The following TRDN variants were observed in gnomAD, a reference collection of about 807,000 sequenced individuals.
The protein encoded by TRDN is triadin, also known as triadin in skeletal muscle.
TRDN carries 161 observed loss-of-function variants against 149.7 expected under a neutral mutation model. The ratio of observed to expected loss-of-function variants is 1.08; its 90% CI spans 0.95 to 1.23. TRDN has a LOEUF of 1.23. Among genes scored for constraint, TRDN ranks in the 50% most tolerant of loss-of-function variants. The pLI is 0.00. For synonymous variants in TRDN, 294 were observed against 250.5 expected (o/e 1.17, Z -1.64); for missense variants, 896 against 823.5 (o/e 1.09, Z -1.08).
chr6:123,571,026 C>T lies in TRDN; in HGVS notation c.129G>A (p.Thr43=), dbSNP rs373840513. 4.9e-5 allele frequency: 79 copies of T among 1,613,974 alleles called. No homozygotes were observed. Among genetic ancestry groups the T allele is most frequent in the South Asian group, 4.0e-4 (36 of 91,086 alleles). Residue 43 remains threonine, a synonymous_variant, in exon 2 of 41, where the codon ACG becomes ACA. Coordinates refer to ENST00000334268, the MANE Select transcript of TRDN (RefSeq NM_006073.4). ...GAAGCCAGGCTGCAGGGGAGCTGAA[C>T]GTCGTCACTATGTCTTCTGTGACTG... ...KRTVTEDIVT[T]FSSPAAWLLV...
chr6:123,505,104 CG>C, intron 7 of TRDN, among the ~76,000 whole-genome samples: 1 of 151,542 alleles, frequency 6.6e-6, no homozygotes, highest in Middle Eastern at 3.4e-3. Flanking sequence ...ATTAGCTGGG[CG>C]TGGTGGTGCA....
Position 123,222,300 on chromosome 6 carries a change from C to T in TRDN, c.2015-778G>A, listed in dbSNP as rs891803666. ...TTCAATTGGTTCTAGAGCGGTTCCC[C>T]TCAGAGTGTAATCTATATACCACTA... On this transcript the variant is annotated intron_variant, in intron 39 of 40. Coordinates refer to ENST00000334268, the MANE Select transcript of TRDN (RefSeq NM_006073.4). Among the ~76,000 whole-genome samples the T allele has an allele frequency of 4.0e-5, 6 of 151,614 alleles. No homozygotes were observed. In the East Asian group the frequency reaches 7.8e-4, roughly 20 times the overall value.
intron 38 of TRDN, among the ~76,000 whole-genome samples, chr6:123,239,503 A>C (rs1775910059): frequency 6.6e-6 from 1 of 152,162 alleles, no homozygotes; most frequent in African/African-American, 2.4e-5. Flanking sequence ...ATATTAGTTC[A>C]CAAGATAAAC....
chr6:123,296,787 G>C (rs1778217574), intron 24 of TRDN, among the ~76,000 whole-genome samples: 5 of 151,946 alleles, frequency 3.3e-5, no homozygotes, highest in Admixed American at 3.3e-4. Flanking sequence ...ATAATGATGT[G>C]TGTTAATATT....
At chr6:123,279,693 C>G (rs1777515389) in intron 24 of TRDN, among the ~76,000 whole-genome samples, 1 of 152,082 alleles carries the variant, frequency 6.6e-6, no homozygotes, top group Non-Finnish European at 1.5e-5. Flanking sequence ...ATTAGTCTCT[C>G]TGGTCACCAA....
intron 20 of TRDN, among the ~76,000 whole-genome samples, chr6:123,364,037 T>C (rs1018384975): frequency 2.0e-5 from 3 of 152,200 alleles, no homozygotes; most frequent in Non-Finnish European, 4.4e-5. Flanking sequence ...GCTGTTTCTG[T>C]ATCTCACTTT....
At position 123,322,091 on chromosome 6, in the gene TRDN, T is replaced by C. The variant is rs563790618; in HGVS notation, c.1472-5596A>G. Reference sequence around the variant, plus strand: ...TTTCTCTTATTTAGCCACATCCATATGGTCTTGACACTTCATGCATTCTCT... The same window carrying C: ...TTTCTCTTATTTAGCCACATCCATACGGTCTTGACACTTCATGCATTCTCT... On this transcript the variant is annotated intron_variant, in intron 23 of 40. Transcript: ENST00000334268. Among the ~76,000 whole-genome samples the C allele has an allele frequency of 9.2e-5, 14 of 152,310 alleles. No individual in the cohort carries two copies. In the South Asian group the frequency reaches 2.9e-3, roughly 32 times the overall value.
At chr6:123,499,852 A>G (rs1778623185) in intron 8 of TRDN, among the ~76,000 whole-genome samples, 1 of 149,908 alleles carries the variant, frequency 6.7e-6, no homozygotes, top group African/African-American at 2.4e-5. Flanking sequence ...GCATTTATTA[A>G]ATACATTAGG....
intron 26 of TRDN, among the ~76,000 whole-genome samples, chr6:123,276,012 TG>T (rs1777356620): frequency 1.3e-5 from 2 of 152,144 alleles, no homozygotes; most frequent in Non-Finnish European, 2.9e-5. Context: ...GAAGGAATGC[TG>T]TGTCCTTACA....
Position 123,588,337 on chromosome 6 carries a change from G to A in TRDN, c.23-17205C>T, listed in dbSNP as rs577233259. Reference sequence around the variant, plus strand: ...CTTATTGCTACAAAGAGTCTGTTTCGCAACTCTTAAAAATCTCTGTTTTAA... The same window carrying A: ...CTTATTGCTACAAAGAGTCTGTTTCACAACTCTTAAAAATCTCTGTTTTAA... On this transcript the variant is annotated intron_variant, in intron 1 of 40. Coordinates refer to ENST00000334268, the MANE Select transcript of TRDN (RefSeq NM_006073.4). 7.1e-4 allele frequency among the ~76,000 whole-genome samples: 108 copies of A among 152,126 alleles called. 1 individual carries two copies. Among genetic ancestry groups the A allele is most frequent in the African/African-American group, 2.4e-3 (99 of 41,498 alleles).
chr6:123,369,329 T>C (rs555650136), intron 19 of TRDN, among the ~76,000 whole-genome samples: 2 of 152,270 alleles, frequency 1.3e-5, no homozygotes, highest in Non-Finnish European at 2.9e-5. Flanking sequence ...GAAGACCCTA[T>C]TTCAAAATCG....
intron 7 of TRDN, among the ~76,000 whole-genome samples, chr6:123,511,001 T>C (rs1280318281): frequency 6.6e-6 from 1 of 152,176 alleles, no homozygotes; most frequent in Admixed American, 6.5e-5. Flanking sequence ...TCTATTTGTC[T>C]ATTTTTGCTT....
chr6:123,504,222 T>C lies in TRDN; in HGVS notation c.611-321A>G, dbSNP rs7746262. On this transcript the variant is annotated intron_variant, in intron 7 of 40. Coordinates refer to ENST00000334268, the MANE Select transcript of TRDN (RefSeq NM_006073.4). ...ACTTAGCATGTCAACAAGGAGGCAT[T>C]TGTAGCATGCAGGGGATGGATGTAC... Among the ~76,000 whole-genome samples the C allele has an allele frequency of 0.84, 127,651 of 151,896 alleles. 53,723 individuals are homozygous for C. Among genetic ancestry groups the C allele is most frequent in the East Asian group, 0.88 (4,517 of 5,120 alleles).
chr6:123,593,583 T>C (rs1222143494), intron 1 of TRDN, among the ~76,000 whole-genome samples: 1 of 152,236 alleles, frequency 6.6e-6, no homozygotes, highest in Non-Finnish European at 1.5e-5. Flanking sequence ...TAAGCTTCTC[T>C]CTTTGGCTTG....
chr6:123,437,240 G>A (rs761853890), intron 12 of TRDN: 6 of 215,986 alleles, frequency 2.8e-5, no homozygotes, highest in Non-Finnish European at 5.7e-5. Context: ...CTTGACCAAG[G>A]TGGTCCTCAC....
chr6:123,610,669 G>A (rs946649970), intron 1 of TRDN, among the ~76,000 whole-genome samples: 5 of 152,126 alleles, frequency 3.3e-5, no homozygotes, highest in African/African-American at 9.7e-5. Flanking sequence ...TTTAAACAGC[G>A]ACAGTTGGAC....
At chr6:123,345,272 T>G (rs1030558148) in intron 21 of TRDN, among the ~76,000 whole-genome samples, 4 of 152,114 alleles carry the variant, frequency 2.6e-5, no homozygotes, top group South Asian at 2.1e-4. Context: ...TTATTTTTGT[T>G]TATGGATGTC....
At chr6:123,627,380 T>C (rs1422460829) in intron 1 of TRDN, among the ~76,000 whole-genome samples, 1 of 152,180 alleles carries the variant, frequency 6.6e-6, no homozygotes. Flanking sequence ...GCATTGTCAA[T>C]AAGCAGAAAT....
At chr6:123,629,263 T>C (rs1785840797) in intron 1 of TRDN, among the ~76,000 whole-genome samples, 1 of 152,132 alleles carries the variant, frequency 6.6e-6, no homozygotes, top group Admixed American at 6.6e-5. Context: ...AATATGTATT[T>C]TGAACGTCTG....
Sources: gnomAD v4.1 joint callset for allele counts (sites outside exome capture counted in the v4.1 genomes callset) on GRCh38, gnomAD v4.1.1 for gene constraint, MANE v1.5 for transcripts, NCBI Gene and HGNC (gene_info 2026-07-23, HGNC 2026-07-21) for gene names.